The following TDRD1 variants were observed in gnomAD, a reference collection of about 807,000 sequenced individuals.
The protein encoded by TDRD1 is tudor domain containing 1, also known as tudor domain-containing protein 1.
A neutral mutation model predicts 140.6 loss-of-function variants in TDRD1; 37 were observed. That is an observed-to-expected ratio of 0.26 (90% CI 0.20 to 0.35). The LOEUF is 0.35. Among genes scored for constraint, TDRD1 ranks in the 10% least tolerant of loss-of-function variants. The probability of loss-of-function intolerance (pLI) is 1.00; values close to 1 mark genes in which losing one functional copy is unlikely to be tolerated. For synonymous variants in TDRD1, 506 were observed against 475.7 expected, an observed-to-expected ratio of 1.06 and a Z score of -0.83; for missense variants, 1,243 against 1,393.0, an observed-to-expected ratio of 0.89 and a Z score of 1.71.
At chr10:114,219,005 A>C (rs974914022) in intron 18 of TDRD1, among the ~76,000 whole-genome samples, 1 of 152,252 alleles carries the variant, frequency 6.6e-6, no homozygotes, top group African/African-American at 2.4e-5. Context: ...ATGATCCATA[A>C]AATGGATAAT....
chr10:114,223,428 G>A (rs2036258308), intron 21 of TDRD1, among the ~76,000 whole-genome samples: 1 of 152,198 alleles, frequency 6.6e-6, no homozygotes, highest in African/African-American at 2.4e-5. Context: ...CCTCAATCTT[G>A]GGCTCCAGTG....
intron 11 of TDRD1, among the ~76,000 whole-genome samples, chr10:114,207,935 G>T (rs1353787501): frequency 6.6e-6 from 1 of 152,054 alleles, no homozygotes; most frequent in African/African-American, 2.4e-5. Context: ...GAAATTAGGT[G>T]TGATAGAGAA....
chr10:114,226,509 A>C (rs2036446181), intron 22 of TDRD1, among the ~76,000 whole-genome samples: 1 of 152,220 alleles, frequency 6.6e-6, no homozygotes, highest in Non-Finnish European at 1.5e-5. Flanking sequence ...GATGTGAAAC[A>C]GGGTGTCTGG....
intron 17 of TDRD1, among the ~76,000 whole-genome samples, 170 bp from the exon 18 acceptor site, chr10:114,218,244 A>T (rs1402582284): frequency 1.3e-5 from 2 of 152,244 alleles, no homozygotes; most frequent in Non-Finnish European, 2.9e-5. Flanking sequence ...GATTTTGAGA[A>T]TTCTTTCATT....
chr10:114,191,170 A>G, intron 3 of TDRD1, 151 bp downstream of exon 3: 1 of 806,312 alleles, frequency 1.2e-6, no homozygotes, highest in East Asian at 2.7e-5. Flanking sequence ...AAACTTTCTT[A>G]GGTTATTGTA....
intron 13 of TDRD1, among the ~76,000 whole-genome samples, chr10:114,211,555 T>G (rs1281297164): frequency 6.6e-6 from 1 of 152,248 alleles, no homozygotes; most frequent in Non-Finnish European, 1.5e-5. Context: ...GAATGCTTCA[T>G]GTATTGATTG....
chr10:114,227,937 G>A (rs1450405304), exon 24 of TDRD1: 2 of 1,613,772 alleles, frequency 1.2e-6, no homozygotes, highest in South Asian at 1.1e-5. Context: ...AATTGCTGCT[G>A]CACAGAGTTA....
chr10:114,211,256 A>T (rs1330972175), intron 13 of TDRD1, among the ~76,000 whole-genome samples: 1 of 152,154 alleles, frequency 6.6e-6, no homozygotes, highest in Non-Finnish European at 1.5e-5. Context: ...ACTGGTAAAG[A>T]TAATTTGGTT....
intron 2 of TDRD1, among the ~76,000 whole-genome samples, chr10:114,188,885 A>G (rs2033752198): frequency 6.6e-6 from 1 of 151,960 alleles, no homozygotes; most frequent in Non-Finnish European, 1.5e-5. Flanking sequence ...TGAAAAAAAA[A>G]AAAAAAAAAA....
chr10:114,210,613 G>A, exon 12 of TDRD1: 1 of 1,599,328 alleles, frequency 6.3e-7, no homozygotes, highest in Non-Finnish European at 8.6e-7. Flanking sequence ...AATGACAACT[G>A]AAAACAACAT....
intron 4 of TDRD1, among the ~76,000 whole-genome samples, chr10:114,200,444 A>G (rs767110018): frequency 1.3e-5 from 2 of 152,014 alleles, no homozygotes; most frequent in Admixed American, 1.3e-4. Context: ...TTTTTAAAAA[A>G]TCCTTTATTT....
intron 1 of TDRD1, among the ~76,000 whole-genome samples, chr10:114,181,674 G>GCGGAC: frequency 6.6e-6 from 1 of 152,058 alleles, no homozygotes; most frequent in Non-Finnish European, 1.5e-5. Flanking sequence ...GTGAAACCCC[G>GCGGAC]TCTCTACTAA....
chr10:114,222,104 C>G (rs1026893416), intron 20 of TDRD1, among the ~76,000 whole-genome samples: 11 of 152,088 alleles, frequency 7.2e-5, no homozygotes, highest in Non-Finnish European at 1.5e-4. Flanking sequence ...TGTGGTAATG[C>G]CAATAACTGC....
At chr10:114,175,337 A>G (rs969765308), upstream of TDRD1, among the ~76,000 whole-genome samples, 5 of 152,368 alleles carry the variant, frequency 3.3e-5, no homozygotes, top group Non-Finnish European at 5.9e-5. Context: ...ATTAGTATAA[A>G]GTATATAAAT....
Position 114,226,237 on chromosome 10 carries a change from C to A in TDRD1, c.3175+21C>A, listed in dbSNP as rs1163433671. 11 of 1,570,194 alleles carry A rather than the reference C, an allele frequency of 7.0e-6. No individual in the cohort carries two copies. The Admixed American group carries it at 1.7e-4, about 25-fold the overall frequency. ...TGAAGGTAGACAGCTAAGTCACTTT[C>A]CAATTTAGGTTTCTGGGTATTTTTT... On this transcript the variant is annotated intron_variant, in intron 22 of 25. Transcript: ENST00000251864.
intron 16 of TDRD1, among the ~76,000 whole-genome samples, chr10:114,216,141 C>T (rs1322043441): frequency 6.6e-6 from 1 of 152,158 alleles, no homozygotes; most frequent in African/African-American, 2.4e-5. Flanking sequence ...AGCATGTGAT[C>T]GTGGCACATT....
intron 25 of TDRD1, chr10:114,228,895 C>G (rs1038331064): frequency 2.1e-6 from 1 of 472,408 alleles, no homozygotes. Flanking sequence ...GTCAGCCTGG[C>G]CAAGATGGCG....
At chr10:114,227,217 G>T in exon 23 of TDRD1, 1 of 1,614,162 alleles carries the variant, frequency 6.2e-7, no homozygotes, top group South Asian at 1.1e-5. Context: ...CTGAGAATGG[G>T]ACTGTCGATG....
At chr10:114,204,096 A>C (rs771588482) in exon 9 of TDRD1, 48 of 1,606,416 alleles carry the variant, frequency 3.0e-5, no homozygotes, top group Non-Finnish European at 3.1e-5. Flanking sequence ...CAATCATACA[A>C]AACGTTGATG....
Sources: allele counts gnomAD v4.1 joint callset (sites outside exome capture counted in the v4.1 genomes callset), GRCh38; gene constraint gnomAD v4.1.1; transcripts MANE v1.5; gene names NCBI Gene and HGNC (gene_info 2026-07-23, HGNC 2026-07-21).